The following TNS3 variants were observed in gnomAD, a reference collection of about 807,000 sequenced individuals.
TNS3 encodes tensin 3.
In TNS3, 45 loss-of-function variants were observed where a neutral mutation model predicts 140.9. That is an observed-to-expected ratio of 0.32 (90% CI 0.25 to 0.41). TNS3 has a LOEUF of 0.41. Ranked by LOEUF, TNS3 falls within the 10% of genes least tolerant of loss-of-function variation. The pLI is 1.00. For missense variants in TNS3, 1,716 were observed against 1,906.7 expected (o/e 0.90, Z 1.86); for synonymous variants, 815 against 788.4 (o/e 1.03, Z -0.56).
At chr7:47,526,032 G>C (rs562289796) in intron 2 of TNS3, among the ~76,000 whole-genome samples, 1 of 152,338 alleles carries the variant, frequency 6.6e-6, no homozygotes, top group Non-Finnish European at 1.5e-5. Flanking sequence ...AAAGAAAGAA[G>C]ACAGGCTCCC....
At chr7:47,380,301 C>CAGCT (rs1421990638) in intron 16 of TNS3, among the ~76,000 whole-genome samples, 2 of 152,244 alleles carry the variant, frequency 1.3e-5, no homozygotes, top group Non-Finnish European at 2.9e-5. Context: ...TCTGACTGGG[C>CAGCT]AGCTCAGTTC....
At chr7:47,319,847 A>G (rs1787629622) in intron 20 of TNS3, among the ~76,000 whole-genome samples, 1 of 152,176 alleles carries the variant, frequency 6.6e-6, no homozygotes, top group African/African-American at 2.4e-5. Flanking sequence ...AAACTGGAAG[A>G]CTGCTGCTTT....
At chr7:47,428,796 G>A (rs537701255) in intron 8 of TNS3, among the ~76,000 whole-genome samples, 1 of 152,358 alleles carries the variant, frequency 6.6e-6, no homozygotes, top group African/African-American at 2.4e-5. Context: ...AGCTCAGCAT[G>A]ATGGGACATA....
intron 16 of TNS3, among the ~76,000 whole-genome samples, chr7:47,383,596 A>G (rs1791900389): frequency 6.6e-6 from 1 of 152,248 alleles, no homozygotes; most frequent in African/African-American, 2.4e-5. Context: ...TTCTCAGGCT[A>G]GAAACCACAT....
intron 1 of TNS3, chr7:47,579,214 T>G (rs999353006): frequency 2.0e-5 from 3 of 152,110 alleles, no homozygotes; most frequent in Non-Finnish European, 2.9e-5. Flanking sequence ...CAGAGGATTC[T>G]AGGTAGACAG....
chr7:47,352,175 A>G (rs1789718236), intron 17 of TNS3, among the ~76,000 whole-genome samples: 1 of 152,056 alleles, frequency 6.6e-6, no homozygotes, highest in African/African-American at 2.4e-5. Context: ...CCACATTCAC[A>G]CAACAGTCAC....
intron 8 of TNS3, among the ~76,000 whole-genome samples, chr7:47,430,761 T>C (rs1350317503): frequency 6.6e-6 from 1 of 151,444 alleles, no homozygotes; most frequent in East Asian, 1.9e-4. Flanking sequence ...CCCTCTGTCA[T>C]CCAGGTTAGA....
chr7:47,343,764 C>T (rs1789155717), intron 20 of TNS3, among the ~76,000 whole-genome samples: 1 of 152,224 alleles, frequency 6.6e-6, no homozygotes, highest in African/African-American at 2.4e-5. Context: ...TTTTAAATTT[C>T]AGTAGCACTT....
At chr7:47,431,671 AG>A (rs960230730) in intron 8 of TNS3, among the ~76,000 whole-genome samples, 29 of 152,346 alleles carry the variant, frequency 1.9e-4, no homozygotes, top group African/African-American at 6.0e-4. Context: ...TAGCAAAGGA[AG>A]GAAAAAACAA....
intron 1 of TNS3, among the ~76,000 whole-genome samples, chr7:47,546,778 C>T (rs1168697136): frequency 6.6e-6 from 1 of 152,200 alleles, no homozygotes; most frequent in Admixed American, 6.5e-5. Context: ...CAGACATGGG[C>T]TTGCGGCATA....
intron 3 of TNS3, among the ~76,000 whole-genome samples, chr7:47,482,698 C>G (rs1797466861): frequency 6.6e-6 from 1 of 151,814 alleles, no homozygotes; most frequent in Non-Finnish European, 1.5e-5. Flanking sequence ...CCCTGCCTTT[C>G]AAACTCACTA....
chr7:47,519,206 C>T (rs970692283), intron 2 of TNS3, among the ~76,000 whole-genome samples: 15 of 152,244 alleles, frequency 9.9e-5, no homozygotes, highest in Non-Finnish European at 1.8e-4. Context: ...TAGGACGAAC[C>T]TTGTTGTCTC....
intron 20 of TNS3, among the ~76,000 whole-genome samples, chr7:47,335,671 C>T (rs1309834246): frequency 6.6e-6 from 1 of 152,170 alleles, no homozygotes; most frequent in Non-Finnish European, 1.5e-5. Context: ...GGGAACCGCC[C>T]TTCATATGGA....
At chr7:47,431,220 G>A (rs894563351) in intron 8 of TNS3, among the ~76,000 whole-genome samples, 2 of 152,174 alleles carry the variant, frequency 1.3e-5, no homozygotes, top group African/African-American at 4.8e-5. Context: ...AAACTTATGG[G>A]ATGCAGCAAA....
intron 16 of TNS3, among the ~76,000 whole-genome samples, chr7:47,383,501 A>C (rs1371684420): frequency 6.6e-6 from 1 of 152,214 alleles, no homozygotes. Flanking sequence ...CGTACTAAAA[A>C]TCAATGCATC....
Position 47,529,158 on chromosome 7 carries a change from A to T in TNS3, c.-264-11T>A, listed in dbSNP as rs1399046381. 8.1e-7 allele frequency: 1 copy of T among 1,239,494 alleles called. No homozygotes were observed. The highest frequency in any genetic ancestry group is 1.3e-5 in the South Asian group (1 of 75,268). The allele number at this position is 1,239,494 out of a possible 1,614,324, so 76.8% of individuals were successfully genotyped here. On this transcript the variant is annotated splice_polypyrimidine_tract_variant and intron_variant, in intron 1 of 30. Transcript: ENST00000311160. ...GGTTAATTCTTCCGGCTGAAAAAGT[A>T]AAGGAAGAAATTGTCAACGTTTCAT...
chr7:47,322,520 TCAAA>T (rs896767801), intron 20 of TNS3, among the ~76,000 whole-genome samples: 119 of 149,978 alleles, frequency 7.9e-4, no homozygotes, highest in African/African-American at 2.6e-3. Context: ...AGACTCCGTA[TCAAA>T]CAAACAAACA....
chr7:47,515,365 TCGTTA>T (rs1156959409), intron 2 of TNS3, among the ~76,000 whole-genome samples: 1 of 152,120 alleles, frequency 6.6e-6, no homozygotes, highest in Non-Finnish European at 1.5e-5. Context: ...ATCATCACAA[TCGTTA>T]CCATTGCCAT....
chr7:47,372,813 T>G (rs1376923992), intron 16 of TNS3, among the ~76,000 whole-genome samples: 1 of 152,204 alleles, frequency 6.6e-6, no homozygotes, highest in Admixed American at 6.5e-5. Context: ...CAGGCTGGAC[T>G]CTTGCTAAAC....
Sources: gnomAD v4.1 joint callset for allele counts (sites outside exome capture counted in the v4.1 genomes callset) on GRCh38, gnomAD v4.1.1 for gene constraint, MANE v1.5 for transcripts, NCBI Gene and HGNC (gene_info 2026-07-23, HGNC 2026-07-21) for gene names.